L3MBTL3: variants seen among roughly 807,000 people sequenced by gnomAD.
L3MBTL3 encodes L3MBTL histone methyl-lysine binding protein 3.
In L3MBTL3, 27 loss-of-function variants were observed where a neutral mutation model predicts 102.3. The observed-to-expected ratio is 0.26, with a 90% CI of 0.19 to 0.36. L3MBTL3 has a LOEUF of 0.36. Ranked by LOEUF, L3MBTL3 falls within the 10% of genes least tolerant of loss-of-function variation. The pLI is 1.00. For synonymous variants in L3MBTL3, 340 were observed against 320.9 expected (o/e 1.06, Z -0.64); for missense variants, 798 against 955.3 (o/e 0.84, Z 2.17).
intron 13 of L3MBTL3, among the ~76,000 whole-genome samples, chr6:130,076,161 G>A (rs1478626370): frequency 6.6e-6 from 1 of 152,152 alleles, no homozygotes; most frequent in African/African-American, 2.4e-5. Flanking sequence ...TGTGTTATAG[G>A]CAGTGAAGAA....
At chr6:130,044,726 C>T (rs868429489) in intron 3 of L3MBTL3, among the ~76,000 whole-genome samples, 1 of 152,102 alleles carries the variant, frequency 6.6e-6, no homozygotes, top group Middle Eastern at 3.4e-3. Context: ...CTTTATGACC[C>T]TTTTTATCTG....
At chr6:130,072,867 G>T (rs1189137693) in intron 13 of L3MBTL3, among the ~76,000 whole-genome samples, 1 of 152,002 alleles carries the variant, frequency 6.6e-6, no homozygotes, top group Non-Finnish European at 1.5e-5. Context: ...ATGGTTTTAG[G>T]TCCAATAAGG....
Position 130,052,054 on chromosome 6 carries a change from T to C in L3MBTL3, c.449+646T>C, listed in dbSNP as rs552835104. Among the ~76,000 whole-genome samples the C allele has an allele frequency of 7.2e-5, 11 of 152,320 alleles. No homozygotes were observed. In the South Asian group the frequency reaches 2.3e-3, roughly 32 times the overall value. ...AAAGAAATGACTGGACATTTATATTTTAGTGGCATTTCCCATGTATTTTAA... is the reference window on the plus strand; with the variant it reads ...AAAGAAATGACTGGACATTTATATTCTAGTGGCATTTCCCATGTATTTTAA... On this transcript the variant is annotated intron_variant, in intron 6 of 22. Transcript: ENST00000361794.
At chr6:130,057,866 G>A (rs1047283601) in intron 9 of L3MBTL3, among the ~76,000 whole-genome samples, 13 of 152,106 alleles carry the variant, frequency 8.5e-5, no homozygotes, top group African/African-American at 1.9e-4. Context: ...GTTACTGGCC[G>A]GGCGCGGTGG....
At chr6:130,100,441 A>C (rs1282947196) in intron 18 of L3MBTL3, among the ~76,000 whole-genome samples, 1 of 152,026 alleles carries the variant, frequency 6.6e-6, no homozygotes, top group Non-Finnish European at 1.5e-5. Flanking sequence ...TTTACCCCAG[A>C]GTAGGTGTGA....
chr6:130,105,621 CAAAA>C (rs35147208), intron 19 of L3MBTL3, among the ~76,000 whole-genome samples: 1 of 122,530 alleles, frequency 8.2e-6, no homozygotes, highest in Non-Finnish European at 1.7e-5. Context: ...GACCCTGTCT[CAAAA>C]AAAAAAAAAA....
In L3MBTL3 at chr6:130,060,035, G is replaced by C; in HGVS notation, c.760-1G>C. The stretch of plus-strand genomic sequence containing the variant: ...AAAACTGCTCTCATTTTGCATTTTA[G>C]CATCAATCCTTTCCATATAACAAAA... On this transcript the variant is annotated splice_acceptor_variant, in intron 9 of 22. Coordinates refer to ENST00000361794, the MANE Select transcript of L3MBTL3 (RefSeq NM_032438.4). LOFTEE classifies it high-confidence loss of function. The C allele has an allele frequency of 6.3e-7, 1 of 1,596,250 alleles. No homozygotes were observed. Among genetic ancestry groups the C allele is most frequent in the Non-Finnish European group, 8.6e-7 (1 of 1,164,196 alleles).
chr6:130,051,394 G>T lies in L3MBTL3; in HGVS notation c.435G>T (p.Arg145=). The T allele has an allele frequency of 6.2e-7, 1 of 1,613,248 alleles. No individual in the cohort carries two copies. The stretch of plus-strand genomic sequence containing the variant: ...ACTATTGCAGCCAGAATTGTGCTCG[G>T]CACATCAAAGATAAGTAGGTTTTTG... ...GGNYCSQNCA[R]HIKDKDQKEE... The change falls in exon 6 of 23, where the codon CGG becomes CGT. Residue 145 remains arginine, a synonymous_variant. Coordinates refer to ENST00000361794, the MANE Select transcript of L3MBTL3 (RefSeq NM_032438.4).
chr6:130,117,129 CA>C (rs1785761082), intron 19 of L3MBTL3, among the ~76,000 whole-genome samples: 2 of 102,676 alleles, frequency 1.9e-5, no homozygotes, highest in Admixed American at 2.1e-4. Context: ...CCCCTCCCCC[CA>C]CCCCACCACA....
intron 16 of L3MBTL3, among the ~76,000 whole-genome samples, chr6:130,089,931 G>A (rs573387822): frequency 6.6e-6 from 1 of 150,636 alleles, no homozygotes; most frequent in Admixed American, 6.6e-5. Context: ...TTTTTTTCTC[G>A]AACTCTTTCT....
intron 15 of L3MBTL3, among the ~76,000 whole-genome samples, chr6:130,085,853 A>C (rs1783651058): frequency 6.6e-6 from 1 of 152,070 alleles, no homozygotes; most frequent in Non-Finnish European, 1.5e-5. Context: ...CCTGGGCTAA[A>C]GCAATTCTTG....
At chr6:130,114,769 G>A (rs1238554561) in intron 19 of L3MBTL3, among the ~76,000 whole-genome samples, 1 of 152,052 alleles carries the variant, frequency 6.6e-6, no homozygotes, top group Admixed American at 6.5e-5. Context: ...ATCTCAAAAG[G>A]AATTTAATTT....
intron 15 of L3MBTL3, among the ~76,000 whole-genome samples, chr6:130,085,462 T>G (rs571645420): frequency 1.3e-5 from 2 of 152,372 alleles, no homozygotes; most frequent in Admixed American, 6.5e-5. Flanking sequence ...TTATGCTTGT[T>G]GATTTTTGCC....
intron 2 of L3MBTL3, among the ~76,000 whole-genome samples, chr6:130,035,433 G>C (rs1383409876): frequency 6.6e-6 from 1 of 152,194 alleles, no homozygotes; most frequent in African/African-American, 2.4e-5. Context: ...GTGTAGGAGA[G>C]AGATAGGAGG....
chr6:130,082,039 G>A (rs1056455454), intron 14 of L3MBTL3, among the ~76,000 whole-genome samples: 4 of 152,164 alleles, frequency 2.6e-5, no homozygotes, highest in African/African-American at 9.7e-5. Context: ...TTTTTGGCAG[G>A]AATATCATAG....
chr6:130,025,221 A>G (rs551706827), intron 2 of L3MBTL3, among the ~76,000 whole-genome samples: 2 of 152,330 alleles, frequency 1.3e-5, no homozygotes, highest in East Asian at 1.9e-4. Context: ...GTGTCTTTAG[A>G]GAGAACTATT....
intron 5 of L3MBTL3, among the ~76,000 whole-genome samples, chr6:130,050,926 A>G (rs1184712569): frequency 6.6e-6 from 1 of 152,234 alleles, no homozygotes; most frequent in Admixed American, 6.5e-5. Flanking sequence ...ACAAATATAG[A>G]AGAAGTTTCT....
chr6:130,099,311 T>C (rs1375762469), intron 18 of L3MBTL3, among the ~76,000 whole-genome samples: 2 of 152,176 alleles, frequency 1.3e-5, no homozygotes, highest in Non-Finnish European at 2.9e-5. Context: ...TGCACGTGTC[T>C]AACCATGACA....
chr6:130,116,766 C>T (rs544561171), intron 19 of L3MBTL3, among the ~76,000 whole-genome samples: 9 of 151,418 alleles, frequency 5.9e-5, no homozygotes, highest in Non-Finnish European at 5.9e-5. Flanking sequence ...AAAAAAAAAT[C>T]GCACACTTGC....
Sources: gnomAD v4.1 joint callset for allele counts (sites outside exome capture counted in the v4.1 genomes callset) on GRCh38, gnomAD v4.1.1 for gene constraint, MANE v1.5 for transcripts, NCBI Gene and HGNC (gene_info 2026-07-23, HGNC 2026-07-21) for gene names.